Variants in PRMT2 observed in about 807,000 individuals in gnomAD.
PRMT2 encodes the protein protein arginine N-methyltransferase 2.
PRMT2 carries 26 observed loss-of-function variants against 57.6 expected under a neutral mutation model. The ratio of observed to expected loss-of-function variants is 0.45; its 90% confidence interval spans 0.33 to 0.63. The LOEUF (loss-of-function observed/expected upper bound fraction) is 0.63. PRMT2 is among the 20% of genes least tolerant of loss of function. PRMT2 has a pLI of 0.02. For synonymous variants in PRMT2, 219 were observed against 220.0 expected (o/e 1.00, Z 0.04); for missense variants, 472 against 564.4 (o/e 0.84, Z 1.66).
intron 3 of PRMT2, 45 bp from the exon 4 acceptor site, chr21:46,643,490 A>G (rs1345088842): frequency 2.8e-6 from 4 of 1,415,356 alleles, no homozygotes; most frequent in Non-Finnish European, 3.7e-6. Flanking sequence ...AAAAAAAAAA[A>G]AAGCTCCAGC....
At chr21:46,643,681 G>A in intron 4 of PRMT2, 42 bp downstream of exon 4, 1 of 1,558,924 alleles carries the variant, frequency 6.4e-7, no homozygotes, top group South Asian at 1.2e-5. Context: ...CTTTCAGCAT[G>A]TTCAGTGTCA....
At position 46,661,913 on chromosome 21, in the gene PRMT2, G is replaced by A. The variant is rs1466249333; in HGVS notation, c.1074G>A (p.Val358=). 6.9e-7 allele frequency: 1 copy of A among 1,444,006 alleles called. No homozygotes were observed. The highest frequency in any genetic ancestry group is 9.2e-7 in the Non-Finnish European group (1 of 1,088,070). 89.4% of individuals were successfully genotyped at this position (1,444,006 alleles called of 1,614,324 possible). ...QSLQEGQPPQ[V]LSTGPFHPTT... ...TGCAGGAGGGGCAGCCGCCGCAGGTGCTCAGCACCGGGCCCTTCCACCCGT... is the reference window on the plus strand; with the variant it reads ...TGCAGGAGGGGCAGCCGCCGCAGGTACTCAGCACCGGGCCCTTCCACCCGT... Residue 358 remains valine, a synonymous_variant, in exon 10 of 12, where the codon GTG becomes GTA. Coordinates refer to ENST00000355680, the MANE Select transcript of PRMT2 (RefSeq NM_206962.4).
rs1332884085 is a variant in PRMT2, at chr21:46,648,759, C to G, written c.489+140C>G. On this transcript the variant is annotated intron_variant, in intron 6 of 11. Transcript: ENST00000355680. The surrounding 1 kb of genome is among the most constrained non-coding windows in gnomAD (Gnocchi z 4.8). ...CCATGGTCTTGTTGAGCACCCTGCACGTGGGGCTCAGGGTCGGTAAAATAG... is the reference window on the plus strand; with the variant it reads ...CCATGGTCTTGTTGAGCACCCTGCAGGTGGGGCTCAGGGTCGGTAAAATAG... 8.9e-7 allele frequency: 1 copy of G among 1,118,132 alleles called. No individual in the cohort carries two copies. The highest frequency in any genetic ancestry group is 1.3e-6 in the Non-Finnish European group (1 of 785,150). 69.3% of individuals were successfully genotyped at this position (1,118,132 alleles called of 1,614,324 possible).
chr21:46,649,797 C>T lies in PRMT2; in HGVS notation c.654+58C>T. 1 of 1,575,860 alleles carries T rather than the reference C, an allele frequency of 6.3e-7. No homozygotes were observed. ...GAGCTGGGGGGCTTCTGAGCACGGG[C>T]TCGGCTGGGCCAACCTCAGGATCTC... On this transcript the variant is annotated intron_variant, in intron 7 of 11. Transcript: ENST00000355680. The surrounding 1 kb of genome is among the most constrained non-coding windows in gnomAD (Gnocchi z 4.8).
At chr21:46,659,793 T>C (rs1274298795) in intron 8 of PRMT2, 40 of 985,302 alleles carry the variant, frequency 4.1e-5, no homozygotes, top group Non-Finnish European at 4.7e-5. Context: ...AGGAACGTGA[T>C]TGAATTGCTG....
At chr21:46,663,943 G>A (rs528028944) in intron 11 of PRMT2, among the ~76,000 whole-genome samples, 42 of 152,148 alleles carry the variant, frequency 2.8e-4, no homozygotes, top group African/African-American at 8.9e-4. Context: ...TAGTCTAGGC[G>A]TGTCGTCTGT....
At chr21:46,658,064 G>C (rs536379019) in intron 7 of PRMT2, 1 of 152,326 alleles carries the variant, frequency 6.6e-6, no homozygotes, top group Non-Finnish European at 1.5e-5. Flanking sequence ...ACAGGATGAA[G>C]TGCAGGCTCC....
In PRMT2 at chr21:46,664,361, A is replaced by C; in HGVS notation, c.*34A>C. ...GCTTTATTTGGAAAGCAGTGTGCAT[A>C]TCTTGAGGGGTGATGAACACAAGCA... On this transcript the variant is annotated 3_prime_UTR_variant, in exon 12 of 12. Transcript: ENST00000355680. The C allele has an allele frequency of 1.2e-6, 2 of 1,613,966 alleles. No individual in the cohort carries two copies. Among genetic ancestry groups the C allele is most frequent in the Non-Finnish European group, 1.7e-6 (2 of 1,179,910 alleles).
chr21:46,638,788 CT>C (rs1309142442), intron 3 of PRMT2, among the ~76,000 whole-genome samples: 5 of 152,090 alleles, frequency 3.3e-5, no homozygotes, highest in African/African-American at 9.7e-5. Context: ...TGTTTTATCT[CT>C]TTTTTTCACA....
chr21:46,640,705 G>T (rs77675594), intron 3 of PRMT2, among the ~76,000 whole-genome samples: 35,791 of 145,558 alleles, frequency 0.25, 4,376 homozygotes, highest in Middle Eastern at 0.3. Flanking sequence ...GGCCTTGATG[G>T]TTTTTTTTTT....
intron 7 of PRMT2, chr21:46,652,945 G>T (rs771167243): frequency 2.3e-6 from 3 of 1,294,324 alleles, no homozygotes; most frequent in Middle Eastern, 2.2e-4. Context: ...CACTGCAGGT[G>T]CAGGGGCTGC....
chr21:46,660,144 A>T (rs376465335), intron 8 of PRMT2: 1 of 976,664 alleles, frequency 1.0e-6, no homozygotes. Context: ...TTTATTTGCT[A>T]TTTCAGAAGT....
chr21:46,664,542 A>C lies in PRMT2; in HGVS notation c.*215A>C, dbSNP rs1232552981. The stretch of plus-strand genomic sequence containing the variant: ...GCTGCCGTGGCCACCCCCGCTGCCC[A>C]GTGTCTGCCCTCTAGAAGTAGGCTG... On this transcript the variant is annotated 3_prime_UTR_variant, in exon 12 of 12. Coordinates refer to ENST00000355680, the MANE Select transcript of PRMT2 (RefSeq NM_206962.4). The C allele has an allele frequency of 3.2e-6, 2 of 626,928 alleles. No homozygotes were observed. Among genetic ancestry groups the C allele is most frequent in the African/African-American group, 1.8e-5 (1 of 54,960 alleles). The allele number at this position is 626,928 out of a possible 1,614,324, so 38.8% of individuals were successfully genotyped here.
At chr21:46,644,539 T>G in intron 5 of PRMT2, 51 bp downstream of exon 5, 1 of 1,515,028 alleles carries the variant, frequency 6.6e-7, no homozygotes. Flanking sequence ...GGGTTCTCTC[T>G]AGCTTTAGTT....
chr21:46,652,671 T>C (rs993104332), intron 7 of PRMT2: 1 of 985,266 alleles, frequency 1.0e-6, no homozygotes, highest in Non-Finnish European at 1.2e-6. Context: ...TGAAGGAAAA[T>C]AGGGCAGAAT....
intron 5 of PRMT2, among the ~76,000 whole-genome samples, chr21:46,647,149 T>G (rs940529142): frequency 6.6e-6 from 1 of 152,268 alleles, no homozygotes; most frequent in Non-Finnish European, 1.5e-5. Flanking sequence ...TCTTAAAAGT[T>G]AAATATGGCA....
intron 4 of PRMT2, 134 bp downstream of exon 4, chr21:46,643,773 G>A: frequency 8.7e-7 from 1 of 1,149,524 alleles, no homozygotes; most frequent in Non-Finnish European, 1.2e-6. Flanking sequence ...AGACCTGTGT[G>A]TGAAGCTCAC....
At chr21:46,655,949 A>T (rs1300272350) in intron 7 of PRMT2, among the ~76,000 whole-genome samples, 1 of 152,200 alleles carries the variant, frequency 6.6e-6, no homozygotes, top group Non-Finnish European at 1.5e-5. Flanking sequence ...TATGAAATGT[A>T]TATGGAATGT....
chr21:46,640,527 C>T (rs1010985187), intron 3 of PRMT2, among the ~76,000 whole-genome samples: 6 of 150,864 alleles, frequency 4.0e-5, no homozygotes, highest in South Asian at 4.2e-4. Flanking sequence ...CTGCAAGCTC[C>T]GCCTCCTGGG....
Sources: allele counts gnomAD v4.1 joint callset (sites outside exome capture counted in the v4.1 genomes callset), GRCh38; gene constraint gnomAD v4.1.1; non-coding constraint Gnocchi (gnomAD v3.1); transcripts MANE v1.5; gene names NCBI Gene and HGNC (gene_info 2026-07-23, HGNC 2026-07-21).